Variants in TXNDC15 observed in about 807,000 individuals in gnomAD.
TXNDC15 encodes thioredoxin domain-containing protein 15.
A neutral mutation model predicts 35.0 loss-of-function variants in TXNDC15; 24 were observed. The observed-to-expected ratio is 0.68, with a 90% CI of 0.50 to 0.96. The LOEUF is 0.96. Ranked by LOEUF, TXNDC15 falls within the 40% of genes least tolerant of loss-of-function variation. The probability of loss-of-function intolerance (pLI) is 0.00; values close to 1 mark genes in which losing one functional copy is unlikely to be tolerated. For synonymous variants in TXNDC15, 169 were observed against 174.0 expected, an observed-to-expected ratio of 0.97 and a Z score of 0.23; for missense variants, 385 against 453.3, an observed-to-expected ratio of 0.85 and a Z score of 1.37.
chr5:134,896,122 A>G (rs1750484453), intron 3 of TXNDC15, 172 bp from the exon 4 acceptor site: 3 of 641,754 alleles, frequency 4.7e-6, no homozygotes, highest in Admixed American at 3.5e-5. Flanking sequence ...GCCATGACCC[A>G]TAAGCAAAGA....
At chr5:134,884,506 C>T (rs1368584282) in intron 1 of TXNDC15, among the ~76,000 whole-genome samples, 2 of 151,850 alleles carry the variant, frequency 1.3e-5, no homozygotes, top group African/African-American at 4.8e-5. Context: ...CCTCAGCCTC[C>T]CAAAGTGCTG....
At chr5:134,885,447 G>A (rs1173298447) in intron 1 of TXNDC15, among the ~76,000 whole-genome samples, 1 of 152,192 alleles carries the variant, frequency 6.6e-6, no homozygotes, top group African/African-American at 2.4e-5. Context: ...TGCTCTGTGT[G>A]AATGTTGGGT....
chr5:134,874,423 G>T lies in TXNDC15; in HGVS notation c.-5G>T. The T allele has an allele frequency of 6.3e-7, 1 of 1,596,394 alleles. No individual in the cohort carries two copies. Among genetic ancestry groups the T allele is most frequent in the Non-Finnish European group, 8.5e-7 (1 of 1,175,276 alleles). ...CCGTGCGCCGATTGCCTCTCGGCCTGGGCAATGGTCCCGGCTGCCGGTCGA... is the reference window on the plus strand; with the variant it reads ...CCGTGCGCCGATTGCCTCTCGGCCTTGGCAATGGTCCCGGCTGCCGGTCGA... On this transcript the variant is annotated 5_prime_UTR_variant, in exon 1 of 5. Transcript: ENST00000358387.
At chr5:134,897,648 C>T (rs1050354552) in intron 4 of TXNDC15, among the ~76,000 whole-genome samples, 18 of 152,204 alleles carry the variant, frequency 1.2e-4, no homozygotes, top group Non-Finnish European at 1.9e-4. Flanking sequence ...AATATTTACA[C>T]AAAGATATGC....
intron 4 of TXNDC15, among the ~76,000 whole-genome samples, chr5:134,899,043 C>T (rs894777869): frequency 4.8e-4 from 73 of 152,010 alleles, no homozygotes; most frequent in African/African-American, 1.7e-3. Context: ...CACCACTGCA[C>T]TCCAGCCTGG....
intron 1 of TXNDC15, among the ~76,000 whole-genome samples, chr5:134,878,022 G>T (rs899303658): frequency 1.1e-4 from 16 of 152,104 alleles, no homozygotes; most frequent in Admixed American, 3.3e-4. Flanking sequence ...TGATCTGCCC[G>T]CCTTGACCTC....
At chr5:134,885,770 T>C (rs1323840911) in intron 1 of TXNDC15, among the ~76,000 whole-genome samples, 6 of 152,212 alleles carry the variant, frequency 3.9e-5, no homozygotes, top group African/African-American at 1.4e-4. Context: ...TTCTCTTCAT[T>C]TGTCGCCTGT....
At chr5:134,882,138 C>T (rs1750163731) in intron 1 of TXNDC15, among the ~76,000 whole-genome samples, 2 of 150,594 alleles carry the variant, frequency 1.3e-5, no homozygotes, top group South Asian at 2.1e-4. Context: ...ACGGGGTGGC[C>T]GGGCAGAGAC....
chr5:134,879,795 T>C (rs1393131695), intron 1 of TXNDC15, among the ~76,000 whole-genome samples: 2 of 125,634 alleles, frequency 1.6e-5, no homozygotes, highest in Non-Finnish European at 3.2e-5. Context: ...CTTACCTGCC[T>C]TTTTTTTTTT....
At chr5:134,875,482 T>C in intron 1 of TXNDC15, 1 of 441,306 alleles carries the variant, frequency 2.3e-6, no homozygotes, top group Non-Finnish European at 4.5e-6. Context: ...CATCATCTTT[T>C]GGAATCTTTA....
chr5:134,899,476 A>AT lies in TXNDC15; in HGVS notation c.887-8dup. Reference sequence around the variant, plus strand: ...TTTTCTGCCTGATTTGAAACCAGTGATTTTTCTTTCAGGTATAGAAGCCAA... The same window carrying AT: ...TTTTCTGCCTGATTTGAAACCAGTGATTTTTTCTTTCAGGTATAGAAGCCAA... On this transcript the variant is annotated splice_polypyrimidine_tract_variant and intron_variant, in intron 4 of 4. Coordinates refer to ENST00000358387, the MANE Select transcript of TXNDC15 (RefSeq NM_024715.4). 6.2e-7 allele frequency: 1 copy of AT among 1,603,944 alleles called. No individual in the cohort carries two copies. Among genetic ancestry groups the AT allele is most frequent in the Non-Finnish European group, 8.5e-7 (1 of 1,177,932 alleles).
In TXNDC15 at chr5:134,887,925, G is replaced by T. The variant is rs560905097; in HGVS notation, c.334G>T (p.Val112Phe). The T allele has an allele frequency of 3.7e-6, 6 of 1,614,208 alleles. No individual in the cohort carries two copies. Among genetic ancestry groups the T allele is most frequent in the Non-Finnish European group, 5.1e-6 (6 of 1,180,024 alleles). The change falls in exon 2 of 5, where the codon GTC becomes TTC. Residue 112 changes from valine (V) to phenylalanine (F), a missense_variant. By Grantham distance (50) the Val-to-Phe change is conservative. Transcript: ENST00000358387. ...EDKVSSEPSG[V>F]TCGAGGAEDS... Reference sequence around the variant, plus strand: ...CAAAGTGAGTTCAGAGCCTAGCGGCGTCACCTGTGGTGCTGGAGGAGCGGA... The same window carrying T: ...CAAAGTGAGTTCAGAGCCTAGCGGCTTCACCTGTGGTGCTGGAGGAGCGGA...
upstream of TXNDC15, chr5:134,874,351 G>C (rs973628692): frequency 7.7e-7 from 1 of 1,298,054 alleles, no homozygotes; most frequent in Non-Finnish European, 1.0e-6. Flanking sequence ...GCGCTCCCAG[G>C]CTCTCCTCCC....
chr5:134,889,555 T>C (rs1358483598), intron 2 of TXNDC15, among the ~76,000 whole-genome samples: 1 of 152,304 alleles, frequency 6.6e-6, no homozygotes, highest in East Asian at 1.9e-4. Context: ...GATCTAACCT[T>C]TGGCCAAACA....
rs186217956 is a variant in TXNDC15 at position 134,897,130 on chromosome 5, C to T, written c.886+706C>T. 5.7e-3 allele frequency among the ~76,000 whole-genome samples: 862 copies of T among 151,900 alleles called. 9 individuals carry two copies. Among genetic ancestry groups the T allele is most frequent in the African/African-American group, 0.02 (808 of 41,414 alleles). Reference sequence around the variant, plus strand: ...TGTATTTTTAGTAGAGACAGGGTTTCGCCTTATTGGCCAGGCTGGTCTCGA... The same window carrying T: ...TGTATTTTTAGTAGAGACAGGGTTTTGCCTTATTGGCCAGGCTGGTCTCGA... On this transcript the variant is annotated intron_variant, in intron 4 of 4. Transcript: ENST00000358387.
intron 4 of TXNDC15, 91 bp downstream of exon 4, chr5:134,896,515 G>T (rs1006321136): frequency 1.3e-6 from 2 of 1,499,238 alleles, no homozygotes; most frequent in Non-Finnish European, 1.8e-6. Context: ...ATCCTTAAGT[G>T]AAGGATTCAA....
rs141537790 is a variant in TXNDC15 at position 134,891,940 on chromosome 5, T to C, written c.592-1552T>C. ...ATAAATAAATAAATAAATAATAAGA[T>C]TTATTGTTAAATAAATAAATAAGAC... On this transcript the variant is annotated intron_variant, in intron 2 of 4. Coordinates refer to ENST00000358387, the MANE Select transcript of TXNDC15 (RefSeq NM_024715.4). Among the ~76,000 whole-genome samples the C allele has an allele frequency of 5.6e-3, 852 of 152,110 alleles. 6 individuals carry two copies. Among genetic ancestry groups the C allele is most frequent in the African/African-American group, 0.018 (765 of 41,514 alleles).
chr5:134,876,945 CTG>C (rs1358656531), intron 1 of TXNDC15, among the ~76,000 whole-genome samples: 2 of 152,270 alleles, frequency 1.3e-5, no homozygotes, highest in East Asian at 1.9e-4. Flanking sequence ...ATGCTAAACA[CTG>C]TGCTGAGCAC....
Position 134,901,580 on chromosome 5 carries a change from A to G in TXNDC15, c.*1895A>G, listed in dbSNP as rs890623090. On this transcript the variant is annotated 3_prime_UTR_variant, in exon 5 of 5. Transcript: ENST00000358387. The stretch of plus-strand genomic sequence containing the variant: ...TGCCAAGTACTGTTTTAGATGCTTT[A>G]CATATACTATTTTGTTTAATATCCT... 3 of 152,200 alleles carry G rather than the reference A, an allele frequency of 2.0e-5. No homozygotes were observed. Among genetic ancestry groups the G allele is most frequent in the Non-Finnish European group, 4.4e-5 (3 of 68,028 alleles). 9.4% of individuals were successfully genotyped at this position (152,200 alleles called of 1,614,324 possible). A position where few individuals can be genotyped will look rare whatever the true frequency, so the allele number is the denominator to read the frequency against.
Sources: allele counts gnomAD v4.1 joint callset (sites outside exome capture counted in the v4.1 genomes callset), GRCh38; gene constraint gnomAD v4.1.1; transcripts MANE v1.5; gene names NCBI Gene and HGNC (gene_info 2026-07-23, HGNC 2026-07-21).